Variants in TEKT5 observed in about 807,000 individuals in gnomAD.
TEKT5 encodes the protein tektin 5.
Under a neutral mutation model 48.7 loss-of-function variants are expected in TEKT5, and 52 were observed. The ratio of observed to expected loss-of-function variants is 1.07; its 90% CI spans 0.86 to 1.35. The LOEUF is 1.35. TEKT5 is among the 40% of genes most tolerant of loss of function. TEKT5 has a pLI of 0.00. For missense variants in TEKT5, 831 were observed against 641.6 expected, an observed-to-expected ratio of 1.30 and a Z score of -3.19; for synonymous variants, 318 against 267.6, an observed-to-expected ratio of 1.19 and a Z score of -1.84.
intron 4 of TEKT5, among the ~76,000 whole-genome samples, 164 bp from the exon 5 acceptor site, chr16:10,676,345 T>A (rs559321909): frequency 1.3e-5 from 2 of 152,180 alleles, no homozygotes; most frequent in Non-Finnish European, 2.9e-5. Flanking sequence ...ACCCACTAGA[T>A]GCCAGTAGCT....
intron 5 of TEKT5, among the ~76,000 whole-genome samples, chr16:10,642,044 G>A (rs74009805): frequency 0.13 from 19,645 of 152,264 alleles, 2,206 homozygotes; most frequent in African/African-American, 0.3. Context: ...GCTGAGACAT[G>A]ACAGAGCTAC....
At chr16:10,674,845 T>C (rs1218419607) in intron 5 of TEKT5, among the ~76,000 whole-genome samples, 1 of 150,682 alleles carries the variant, frequency 6.6e-6, no homozygotes, top group East Asian at 2.0e-4. Flanking sequence ...TTTTTCTTGA[T>C]ACGGGGTCTC....
chr16:10,670,867 TTATTTATTTATG>T (rs889917254), intron 5 of TEKT5, among the ~76,000 whole-genome samples: 8 of 151,948 alleles, frequency 5.3e-5, no homozygotes, highest in East Asian at 1.9e-4. Context: ...TTTTATTTAT[TTATTTATTTATG>T]TATTTATTTA....
intron 1 of TEKT5, among the ~76,000 whole-genome samples, chr16:10,691,747 G>C (rs898875195): frequency 6.6e-6 from 1 of 152,122 alleles, no homozygotes; most frequent in Non-Finnish European, 1.5e-5. Context: ...AAGAGATCAA[G>C]ACCATACTGG....
At chr16:10,634,423 A>T (rs1305901147) in intron 6 of TEKT5, among the ~76,000 whole-genome samples, 2 of 152,190 alleles carry the variant, frequency 1.3e-5, no homozygotes, top group African/African-American at 4.8e-5. Context: ...CGGTGAGCAC[A>T]GCCCTGGGCA....
At position 10,689,242 on chromosome 16, in the gene TEKT5, A is replaced by G. The variant is rs763477811; in HGVS notation, c.719+11T>C. 5 of 1,588,020 alleles carry G rather than the reference A, an allele frequency of 3.1e-6. No individual in the cohort carries two copies. The highest frequency in any genetic ancestry group is 4.3e-6 in the Non-Finnish European group (5 of 1,173,032). On this transcript the variant is annotated intron_variant, in intron 3 of 6. Transcript: ENST00000283025. ...CAAGGAGAGGGAATTAAAAAAAAAA[A>G]AAGCCCTTACCGCATCTGGATATCA...
At chr16:10,676,273 A>G in intron 4 of TEKT5, 92 bp from the exon 5 acceptor site, 1 of 1,242,146 alleles carries the variant, frequency 8.1e-7, no homozygotes, top group South Asian at 1.3e-5. Flanking sequence ...CTGGGTCGGG[A>G]TTATTCTCTG....
intron 5 of TEKT5, among the ~76,000 whole-genome samples, chr16:10,659,927 TTAAAG>T (rs1898333564): frequency 6.6e-6 from 1 of 152,152 alleles, no homozygotes; most frequent in Non-Finnish European, 1.5e-5. Flanking sequence ...ATTGTTCACT[TTAAAG>T]TAGTTAATTT....
At chr16:10,693,392 G>C (rs1899015741) in intron 1 of TEKT5, among the ~76,000 whole-genome samples, 1 of 152,222 alleles carries the variant, frequency 6.6e-6, no homozygotes, top group South Asian at 2.1e-4. Flanking sequence ...ACTGTGCCCA[G>C]TCACATTTAG....
At chr16:10,660,721 GAC>G (rs1284799199) in intron 5 of TEKT5, among the ~76,000 whole-genome samples, 1 of 148,900 alleles carries the variant, frequency 6.7e-6, no homozygotes. Context: ...TTTATTTGAA[GAC>G]AGAGTCTTGC....
chr16:10,681,084 G>A (rs913397059), intron 4 of TEKT5, among the ~76,000 whole-genome samples: 1 of 146,860 alleles, frequency 6.8e-6, no homozygotes, highest in Non-Finnish European at 1.5e-5. Flanking sequence ...ATATGCCCAC[G>A]ATCATGACAG....
intron 6 of TEKT5, among the ~76,000 whole-genome samples, chr16:10,629,873 G>C (rs112716035): frequency 6.6e-6 from 1 of 152,198 alleles, no homozygotes; most frequent in South Asian, 2.1e-4. Flanking sequence ...GGGCTGCCCC[G>C]TACTACTTCC....
At chr16:10,668,515 C>T (rs1898497040) in intron 5 of TEKT5, among the ~76,000 whole-genome samples, 1 of 152,178 alleles carries the variant, frequency 6.6e-6, no homozygotes, top group African/African-American at 2.4e-5. Context: ...AAGCATTTCC[C>T]ACTGCACAAT....
At chr16:10,674,270 C>T (rs75146217) in intron 5 of TEKT5, among the ~76,000 whole-genome samples, 29,792 of 151,916 alleles carry the variant, frequency 0.2, 3,535 homozygotes, top group Non-Finnish European at 0.28. Flanking sequence ...CAGTGTGGGT[C>T]CCATGAGAAT....
At chr16:10,640,793 T>C (rs1897984168) in intron 5 of TEKT5, among the ~76,000 whole-genome samples, 1 of 152,208 alleles carries the variant, frequency 6.6e-6, no homozygotes, top group Admixed American at 6.5e-5. Context: ...TTATTCATGT[T>C]GTTGTGTGTA....
chr16:10,655,748 G>C (rs780093348), intron 5 of TEKT5, among the ~76,000 whole-genome samples: 3 of 152,188 alleles, frequency 2.0e-5, no homozygotes, highest in Non-Finnish European at 4.4e-5. Context: ...CTTAAGATGT[G>C]ATGGTGGAGC....
chr16:10,684,907 G>C (rs11640499), intron 3 of TEKT5, among the ~76,000 whole-genome samples: 1 of 152,236 alleles, frequency 6.6e-6, no homozygotes, highest in Non-Finnish European at 1.5e-5. Flanking sequence ...CGGGCCTCAG[G>C]CTTCGCAGAA....
intron 4 of TEKT5, 130 bp downstream of exon 4, chr16:10,681,863 G>T (rs1898759026): frequency 1.2e-5 from 15 of 1,241,268 alleles, no homozygotes; most frequent in Non-Finnish European, 1.6e-5. Flanking sequence ...TGCGCTAGAG[G>T]ATCCCCGTTC....
intron 1 of TEKT5, 117 bp downstream of exon 1, chr16:10,694,193 G>A: frequency 2.2e-6 from 2 of 920,946 alleles, no homozygotes; most frequent in Non-Finnish European, 3.3e-6. Context: ...ATTCGATGAT[G>A]CAGCTCAAAC....
Sources: gnomAD v4.1 joint callset for allele counts (sites outside exome capture counted in the v4.1 genomes callset) on GRCh38, gnomAD v4.1.1 for gene constraint, MANE v1.5 for transcripts, NCBI Gene and HGNC (gene_info 2026-07-23, HGNC 2026-07-21) for gene names.